The following TRAPPC10 variants were observed in gnomAD, a reference collection of about 807,000 sequenced individuals.
TRAPPC10 encodes trafficking protein particle complex subunit 10, also known as TRAPP 130 kDa subunit.
A neutral mutation model predicts 125.5 loss-of-function variants in TRAPPC10; 23 were observed. The ratio of observed to expected loss-of-function variants is 0.18; its 90% confidence interval spans 0.13 to 0.26. The LOEUF (loss-of-function observed/expected upper bound fraction) is 0.26. Among genes scored for constraint, TRAPPC10 ranks in the 10% least tolerant of loss-of-function variants. The pLI is 1.00. For missense variants in TRAPPC10, 1,123 were observed against 1,308.4 expected, an observed-to-expected ratio of 0.86 and a Z score of 2.19; for synonymous variants, 509 against 518.0, an observed-to-expected ratio of 0.98 and a Z score of 0.24.
At chr21:44,056,021 C>CA in intron 5 of TRAPPC10, 128 bp downstream of exon 5, 1 of 795,786 alleles carries the variant, frequency 1.3e-6, no homozygotes, top group Non-Finnish European at 1.9e-6. Context: ...TTTTTAAAAA[C>CA]AAAAAACCTG....
In TRAPPC10 at chr21:44,059,845, G is replaced by T; in HGVS notation, c.790+631G>T. ...TGGGCATCTCTCCAGGTTAGCAGGT[G>T]GGGTTTGGAGTTGTTTTTGTTACAA... On this transcript the variant is annotated intron_variant, in intron 6 of 22. Coordinates refer to ENST00000291574, the MANE Select transcript of TRAPPC10 (RefSeq NM_003274.5). This position sits in a 1 kb window ranked among gnomAD's most constrained non-coding sequence, Gnocchi z 4.4. 7.3e-6 allele frequency: 2 copies of T among 272,958 alleles called. No individual in the cohort carries two copies. The highest frequency in any genetic ancestry group is 1.4e-5 in the Non-Finnish European group (2 of 146,416). The allele number at this position is 272,958 out of a possible 1,614,324, so 16.9% of individuals were successfully genotyped here.
chr21:44,060,963 G>A (rs1278569223), intron 6 of TRAPPC10, among the ~76,000 whole-genome samples: 3 of 133,660 alleles, frequency 2.2e-5, no homozygotes, highest in Non-Finnish European at 3.2e-5. Context: ...TTTTGAGACG[G>A]AGTCTTGCTT....
At chr21:44,024,931 A>G (rs1186911596) in intron 1 of TRAPPC10, among the ~76,000 whole-genome samples, 1 of 152,130 alleles carries the variant, frequency 6.6e-6, no homozygotes, top group Non-Finnish European at 1.5e-5. Context: ...TAGCTTAGAC[A>G]TTGCCAGCTG....
At chr21:44,062,970 G>A in intron 6 of TRAPPC10, 2 of 1,302,642 alleles carry the variant, frequency 1.5e-6, no homozygotes, top group Non-Finnish European at 2.0e-6. Flanking sequence ...AAACCTCTGG[G>A]AGCCTTGCTG....
chr21:44,037,748 G>T, intron 2 of TRAPPC10, 44 bp from the exon 3 acceptor site: 1 of 1,593,230 alleles, frequency 6.3e-7, no homozygotes, highest in Non-Finnish European at 8.6e-7. Context: ...TCTGATGAAT[G>T]CTGTTTAGTT....
chr21:44,074,395 A>G lies in TRAPPC10; in HGVS notation c.1110A>G (p.Glu370=). The change falls in exon 8 of 23, where the codon GAA becomes GAG. Residue 370 remains glutamate, a synonymous_variant. Coordinates refer to ENST00000291574, the MANE Select transcript of TRAPPC10 (RefSeq NM_003274.5). ...LSCLEVLQRI[E]GCCDRAQIDS... Reference sequence around the variant, plus strand: ...GTCTGGAGGTGTTGCAGAGGATAGAAGGCTGCTGTGACCGGGCACAGATCG... The same window carrying G: ...GTCTGGAGGTGTTGCAGAGGATAGAGGGCTGCTGTGACCGGGCACAGATCG... 6.2e-7 allele frequency: 1 copy of G among 1,614,218 alleles called. No homozygotes were observed. The highest frequency in any genetic ancestry group is 8.5e-7 in the Non-Finnish European group (1 of 1,180,042).
chr21:44,047,565 T>TGTGTGTGTGTGTGTGCGCGC (rs954810521), intron 3 of TRAPPC10, among the ~76,000 whole-genome samples: 178 of 147,192 alleles, frequency 1.2e-3, no homozygotes, highest in African/African-American at 4.3e-3. Context: ...TGTGTGTGTG[T>TGTGTGTGTGTGTGTGCGCGC]GCGCGCACAC....
chr21:44,083,865 A>G (rs765260930), intron 14 of TRAPPC10, among the ~76,000 whole-genome samples: 7 of 152,250 alleles, frequency 4.6e-5, no homozygotes, highest in Non-Finnish European at 8.8e-5. Flanking sequence ...TGCCACAAAT[A>G]CAGTTTAGAT....
At chr21:44,089,809 A>G in intron 17 of TRAPPC10, 24 bp from the exon 18 acceptor site, 1 of 1,595,560 alleles carries the variant, frequency 6.3e-7, no homozygotes, top group Non-Finnish European at 8.6e-7. Context: ...GTGGTCTGAG[A>G]GTGTCTTTGT....
chr21:44,083,007 A>G lies in TRAPPC10; in HGVS notation c.1943A>G (p.His648Arg), dbSNP rs781354640. 6 of 1,614,138 alleles carry G rather than the reference A, an allele frequency of 3.7e-6. No individual in the cohort carries two copies. Among genetic ancestry groups the G allele is most frequent in the Non-Finnish European group, 4.2e-6 (5 of 1,180,016 alleles). The change falls in exon 14 of 23, where the codon CAC (histidine) becomes CGC (arginine). Residue 648 changes from histidine to arginine, a missense_variant. Physicochemically the swap from His to Arg is conservative, Grantham distance 29 (BLOSUM62 0). This residue lies in a region of TRAPPC10 where 840 missense variants were observed against 902.0 expected (regional missense o/e 0.93). Coordinates refer to ENST00000291574, the MANE Select transcript of TRAPPC10 (RefSeq NM_003274.5). The stretch of plus-strand genomic sequence containing the variant: ...AAGACTGCGGAGTGGCTTACCAAGC[A>G]CAAGACGTCCAATGGGATCATTAAC... ...YRKTAEWLTK[H>R]KTSNGIINFP...
At position 44,094,245 on chromosome 21, in the gene TRAPPC10, ATTAT is replaced by A. The variant is rs1283194142; in HGVS notation, c.3168+15_3168+18del. ...TGGAAAATTTTTTTGTAAGTGATGT[ATTAT>A]TTTGGGAGGGTGGGGGTGAAAAAAT... On this transcript the variant is annotated intron_variant, in intron 20 of 22. Transcript: ENST00000291574. 1 of 1,519,672 alleles carries A rather than the reference ATTAT, an allele frequency of 6.6e-7. No homozygotes were observed. Among genetic ancestry groups the A allele is most frequent in the Admixed American group, 2.0e-5 (1 of 49,306 alleles). The allele number at this position is 1,519,672 out of a possible 1,614,324, so 94.1% of individuals were successfully genotyped here. A position where few individuals can be genotyped will look rare whatever the true frequency, so the allele number is the denominator to read the frequency against.
intron 11 of TRAPPC10, 69 bp downstream of exon 11, chr21:44,077,853 GAGTT>G: frequency 8.1e-7 from 1 of 1,228,838 alleles, no homozygotes; most frequent in Non-Finnish European, 1.2e-6. Flanking sequence ...GTTATATATG[GAGTT>G]AGTATAAAGT....
In TRAPPC10 at chr21:44,063,407, G is replaced by T. The variant is rs758518748; in HGVS notation, c.791-131G>T. 1.2e-4 allele frequency: 163 copies of T among 1,354,566 alleles called. No individual in the cohort carries two copies. Among genetic ancestry groups the T allele is most frequent in the East Asian group, 2.1e-4 (9 of 43,350 alleles). 83.9% of individuals were successfully genotyped at this position (1,354,566 alleles called of 1,614,324 possible). ...AGCCGAATGCATCACTAGACCACAG[G>T]GGGTGGGCCAGTGTTCATAGAAAAA... On this transcript the variant is annotated intron_variant, in intron 6 of 22. Coordinates refer to ENST00000291574, the MANE Select transcript of TRAPPC10 (RefSeq NM_003274.5). The surrounding 1 kb of genome is among the most constrained non-coding windows in gnomAD (Gnocchi z 4.4).
Position 44,047,207 on chromosome 21 carries a change from G to A in TRAPPC10, c.286-5073G>A, listed in dbSNP as rs538006571. On this transcript the variant is annotated intron_variant, in intron 3 of 22. Coordinates refer to ENST00000291574, the MANE Select transcript of TRAPPC10 (RefSeq NM_003274.5). ...TTTATTTTATTTTATTTTTGAGGCA[G>A]GGTGTTACTCTGTCACCCAGGCTGG... Among the ~76,000 whole-genome samples, 3 of 152,150 alleles carry A rather than the reference G, an allele frequency of 2.0e-5. No individual in the cohort carries two copies. In the East Asian group the frequency reaches 5.8e-4, roughly 29 times the overall value.
Position 44,059,522 on chromosome 21 carries a change from C to A in TRAPPC10, c.790+308C>A. On this transcript the variant is annotated intron_variant, in intron 6 of 22. Coordinates refer to ENST00000291574, the MANE Select transcript of TRAPPC10 (RefSeq NM_003274.5). The surrounding 1 kb of genome is among the most constrained non-coding windows in gnomAD (Gnocchi z 4.4). ...TGCTGGTGATGCTTCGATTCTGTCC[C>A]TCGTTAGAATCAGAGTGGACGTCCC... is the stretch of plus-strand genomic sequence containing the variant. 1 of 751,372 alleles carries A rather than the reference C, an allele frequency of 1.3e-6. No individual in the cohort carries two copies. The allele number at this position is 751,372 out of a possible 1,614,324, so 46.5% of individuals were successfully genotyped here.
chr21:44,057,626 ATT>A (rs2035707381), intron 5 of TRAPPC10, among the ~76,000 whole-genome samples: 1 of 152,212 alleles, frequency 6.6e-6, no homozygotes, highest in Non-Finnish European at 1.5e-5. Context: ...TCAGTTTTAT[ATT>A]ACATACATTT....
chr21:44,029,945 G>A (rs143392834), intron 1 of TRAPPC10, among the ~76,000 whole-genome samples: 4 of 152,336 alleles, frequency 2.6e-5, no homozygotes, highest in Non-Finnish European at 4.4e-5. Context: ...GAGGTCAGAT[G>A]GTCCCAGGTC....
At chr21:44,067,088 TA>T in intron 7 of TRAPPC10, among the ~76,000 whole-genome samples, 1 of 152,314 alleles carries the variant, frequency 6.6e-6, no homozygotes, top group African/African-American at 2.4e-5. Flanking sequence ...GCTGGTTATG[TA>T]ACAGACCGTG....
intron 1 of TRAPPC10, among the ~76,000 whole-genome samples, chr21:44,021,651 T>C (rs147620396): frequency 2.0e-5 from 3 of 152,278 alleles, no homozygotes; most frequent in Non-Finnish European, 2.9e-5. Context: ...GACTGAACAT[T>C]TGTGTCCCTC....
Sources: gnomAD v4.1 joint callset for allele counts (sites outside exome capture counted in the v4.1 genomes callset) on GRCh38, gnomAD v4.1.1 for gene constraint, gnomAD v4.1.1 regional missense constraint, Gnocchi (gnomAD v3.1) non-coding constraint, MANE v1.5 for transcripts, NCBI Gene and HGNC (gene_info 2026-07-23, HGNC 2026-07-21) for gene names.